DNM3: variants seen among roughly 807,000 people sequenced by gnomAD.
DNM3 encodes the protein dynamin 3.
DNM3 carries 47 observed loss-of-function variants against 101.6 expected under a neutral mutation model. The observed-to-expected ratio is 0.46, with a 90% CI of 0.37 to 0.59. The LOEUF is 0.59. DNM3 is among the 20% of genes least tolerant of loss of function. The pLI, the probability that DNM3 is intolerant of heterozygous loss-of-function variation, is 0.00. For missense variants in DNM3, 849 were observed against 1,085.7 expected, an observed-to-expected ratio of 0.78 and a Z score of 3.06; for synonymous variants, 385 against 387.9, an observed-to-expected ratio of 0.99 and a Z score of 0.09.
At chr1:172,412,759 G>A, downstream of DNM3, 1 of 983,434 alleles carries the variant, frequency 1.0e-6, no homozygotes, top group Non-Finnish European at 1.2e-6. Context: ...TCATGTCTAT[G>A]CCTTTCAGTA....
At chr1:172,150,831 T>A (rs951822851) in intron 14 of DNM3, among the ~76,000 whole-genome samples, 1 of 152,204 alleles carries the variant, frequency 6.6e-6, no homozygotes, top group Non-Finnish European at 1.5e-5. Context: ...TTTATGCAGG[T>A]AGGGCTGCTG....
chr1:171,898,910 T>C (rs2038056188), intron 1 of DNM3, among the ~76,000 whole-genome samples: 1 of 152,224 alleles, frequency 6.6e-6, no homozygotes, highest in Non-Finnish European at 1.5e-5. Context: ...CTGTTGTTAG[T>C]TCTACAGGAG....
chr1:171,913,947 C>A (rs1322500696), intron 1 of DNM3, among the ~76,000 whole-genome samples: 2 of 151,658 alleles, frequency 1.3e-5, no homozygotes, highest in Non-Finnish European at 2.9e-5. Flanking sequence ...AGCCACCATG[C>A]CCAGCTAATT....
At chr1:172,166,390 G>C (rs955846971) in intron 14 of DNM3, among the ~76,000 whole-genome samples, 1 of 151,850 alleles carries the variant, frequency 6.6e-6, no homozygotes. Flanking sequence ...AGTACCTCAC[G>C]ACATAAGTTT....
At chr1:171,928,059 G>A (rs1051868575) in intron 2 of DNM3, among the ~76,000 whole-genome samples, 1 of 152,184 alleles carries the variant, frequency 6.6e-6, no homozygotes, top group Non-Finnish European at 1.5e-5. Context: ...GTGCAGGGTT[G>A]TTCTTTGAAG....
At chr1:171,850,650 A>G (rs1172778454) in intron 1 of DNM3, among the ~76,000 whole-genome samples, 1 of 152,242 alleles carries the variant, frequency 6.6e-6, no homozygotes, top group East Asian at 1.9e-4. Context: ...TGTAAATTCA[A>G]CTTAAGAAAC....
In DNM3 at chr1:172,411,948, T is replaced by C. The variant is rs150776015; in HGVS notation, c.*4107T>C. The C allele has an allele frequency of 7.1e-6, 7 of 985,796 alleles. No homozygotes were observed. Among genetic ancestry groups the C allele is most frequent in the Non-Finnish European group, 8.4e-6 (7 of 829,862 alleles). 61.1% of individuals were successfully genotyped at this position (985,796 alleles called of 1,614,324 possible). A position where few individuals can be genotyped will look rare whatever the true frequency, so the allele number is the denominator to read the frequency against. Reference sequence around the variant, plus strand: ...TGAGTCTTCTAGATACTCTTACTCATCCTGTCTGGTTGCTATGTTTAAAAT... The same window carrying C: ...TGAGTCTTCTAGATACTCTTACTCACCCTGTCTGGTTGCTATGTTTAAAAT... On this transcript the variant is annotated 3_prime_UTR_variant, in exon 21 of 21. Coordinates refer to ENST00000627582, the MANE Select transcript of DNM3 (RefSeq NM_015569.5).
At chr1:171,863,084 G>C (rs551995509) in intron 1 of DNM3, among the ~76,000 whole-genome samples, 4 of 151,660 alleles carry the variant, frequency 2.6e-5, no homozygotes, top group African/African-American at 9.7e-5. Flanking sequence ...ACATTCAAAG[G>C]GGATGCTTTT....
At chr1:171,941,337 A>G (rs1255919792) in intron 2 of DNM3, among the ~76,000 whole-genome samples, 1 of 152,202 alleles carries the variant, frequency 6.6e-6, no homozygotes, top group East Asian at 1.9e-4. Context: ...GTTGGGCACT[A>G]CAGTATAACC....
At chr1:172,393,576 G>T (rs943977886) in intron 20 of DNM3, 2 of 148,920 alleles carry the variant, frequency 1.3e-5, no homozygotes, top group Admixed American at 1.4e-4. Flanking sequence ...AAAACCTCCT[G>T]ACTTACTGTC....
intron 14 of DNM3, among the ~76,000 whole-genome samples, chr1:172,252,509 C>T (rs909436969): frequency 2.0e-5 from 3 of 152,110 alleles, no homozygotes; most frequent in Admixed American, 6.6e-5. Flanking sequence ...CATTAATAGT[C>T]GTTTATTAAA....
Position 171,930,415 on chromosome 1 carries a change from G to C in DNM3, c.235+8594G>C, listed in dbSNP as rs2040913855. On this transcript the variant is annotated intron_variant, in intron 2 of 20. Transcript: ENST00000627582. ...GTTATGTATGGGGGTCTATCCTCCTGCTTTGCCATAGTTGCAGCTGCTTTT... is the reference window on the plus strand; with the variant it reads ...GTTATGTATGGGGGTCTATCCTCCTCCTTTGCCATAGTTGCAGCTGCTTTT... 2.0e-5 allele frequency among the ~76,000 whole-genome samples: 3 copies of C among 152,162 alleles called. No homozygotes were observed. In the South Asian group the frequency reaches 6.2e-4, roughly 32 times the overall value.
chr1:172,391,057 G>A (rs914998752), intron 20 of DNM3, among the ~76,000 whole-genome samples: 6 of 152,208 alleles, frequency 3.9e-5, no homozygotes, highest in Admixed American at 3.9e-4. Flanking sequence ...AAGGCAGCCG[G>A]ATGAGAATGA....
chr1:172,044,942 C>T (rs2049661591), intron 9 of DNM3, among the ~76,000 whole-genome samples: 2 of 151,944 alleles, frequency 1.3e-5, no homozygotes, highest in South Asian at 4.2e-4. Context: ...CATGTGGGAG[C>T]GTGCATATGA....
At chr1:172,348,216 T>C (rs1355914404) in intron 17 of DNM3, among the ~76,000 whole-genome samples, 1 of 152,078 alleles carries the variant, frequency 6.6e-6, no homozygotes, top group Non-Finnish European at 1.5e-5. Flanking sequence ...TAAAAGTACA[T>C]TGAGGAGGTA....
chr1:172,160,338 G>C (rs750368143), intron 14 of DNM3, among the ~76,000 whole-genome samples: 2 of 151,852 alleles, frequency 1.3e-5, no homozygotes, highest in Non-Finnish European at 2.9e-5. Flanking sequence ...TTGACTATTC[G>C]TAATACAGCT....
chr1:172,323,240 G>T, intron 16 of DNM3, 89 bp from the exon 17 acceptor site: 1 of 1,345,096 alleles, frequency 7.4e-7, no homozygotes. Context: ...TTAATATCCA[G>T]AGAAAGTAGA....
At position 171,980,767 on chromosome 1, in the gene DNM3, A is replaced by ATTTTTTTTT. The variant is rs35033942; in HGVS notation, c.236-6876_236-6868dup. 1.0e-3 allele frequency among the ~76,000 whole-genome samples: 111 copies of ATTTTTTTTT among 110,230 alleles called. 4 individuals are homozygous for ATTTTTTTTT. The highest frequency in any genetic ancestry group is 3.3e-3 in the African/African-American group (100 of 30,240). The allele number at this position is 110,230 out of a possible 152,430, so 72.3% of individuals were successfully genotyped here. ...CTTTAAAGAAGAAAGAAATCTACAG[A>ATTTTTTTTT]TTTTTTTTTTTTTTTTTTTTTGAGA... On this transcript the variant is annotated intron_variant, in intron 2 of 20. Transcript: ENST00000627582.
chr1:172,376,347 T>C (rs561523964), intron 17 of DNM3: 1 of 152,252 alleles, frequency 6.6e-6, no homozygotes, highest in Non-Finnish European at 1.5e-5. Context: ...CAAATTACTA[T>C]TTTTATTTTA....
Sources: gnomAD v4.1 joint callset for allele counts (sites outside exome capture counted in the v4.1 genomes callset) on GRCh38, gnomAD v4.1.1 for gene constraint, MANE v1.5 for transcripts, NCBI Gene and HGNC (gene_info 2026-07-23, HGNC 2026-07-21) for gene names.